The following RTF1 variants were observed in gnomAD, a reference collection of about 807,000 sequenced individuals.
RTF1 encodes the protein RTF1 homolog, Paf1/RNA polymerase II complex component, also known as RNA polymerase-associated protein RTF1 homolog.
A neutral mutation model predicts 95.7 loss-of-function variants in RTF1; 10 were observed. The ratio of observed to expected loss-of-function variants is 0.10; its 90% CI spans 0.06 to 0.18. The LOEUF is 0.18. Ranked by LOEUF, RTF1 falls within the 10% of genes least tolerant of loss-of-function variation. RTF1 has a pLI of 1.00. For synonymous variants in RTF1, 305 were observed against 311.8 expected (o/e 0.98, Z 0.23); for missense variants, 458 against 875.6 (o/e 0.52, Z 6.02).
chr15:41,451,980 T>G (rs2050791300), intron 2 of RTF1, among the ~76,000 whole-genome samples: 1 of 152,062 alleles, frequency 6.6e-6, no homozygotes, highest in African/African-American at 2.4e-5. Flanking sequence ...AGAGGATCAC[T>G]TGAGCCCAGG....
intron 4 of RTF1, among the ~76,000 whole-genome samples, chr15:41,461,497 C>CTT (rs775239363): frequency 7.2e-6 from 1 of 138,278 alleles, no homozygotes; most frequent in Non-Finnish European, 1.6e-5. Context: ...ATTTTTCTTT[C>CTT]TTTTTTTTTT....
At chr15:41,426,546 C>T (rs1420874087) in intron 1 of RTF1, among the ~76,000 whole-genome samples, 1 of 151,818 alleles carries the variant, frequency 6.6e-6, no homozygotes, top group Non-Finnish European at 1.5e-5. Flanking sequence ...ACGTCATGAT[C>T]TGCCCACCTC....
chr15:41,425,943 G>C (rs1162261679), intron 1 of RTF1, among the ~76,000 whole-genome samples: 1 of 152,112 alleles, frequency 6.6e-6, no homozygotes, highest in Non-Finnish European at 1.5e-5. Context: ...GGAGTTCGAA[G>C]TGACTATGAG....
intron 1 of RTF1, among the ~76,000 whole-genome samples, chr15:41,426,208 C>T (rs1212675206): frequency 6.6e-6 from 1 of 152,094 alleles, no homozygotes; most frequent in Non-Finnish European, 1.5e-5. Context: ...TCACTGCAAC[C>T]TCCGCCCTGG....
intron 6 of RTF1, among the ~76,000 whole-genome samples, chr15:41,468,956 T>C (rs1788778376): frequency 6.6e-6 from 1 of 152,116 alleles, no homozygotes; most frequent in Admixed American, 6.6e-5. Context: ...TTTTCCTTCC[T>C]TCCATCCATC....
intron 6 of RTF1, among the ~76,000 whole-genome samples, 169 bp from the exon 7 acceptor site, chr15:41,470,088 T>G (rs1000215301): frequency 3.3e-5 from 5 of 152,200 alleles, no homozygotes; most frequent in African/African-American, 1.2e-4. Context: ...CTGAATAATT[T>G]TAACTCTGTG....
Position 41,417,125 on chromosome 15 carries a change from C to G in RTF1, c.10C>G (p.Arg4Gly), listed in dbSNP as rs1247343094. 1 of 1,243,454 alleles carries G rather than the reference C, an allele frequency of 8.0e-7. No individual in the cohort carries two copies. Among genetic ancestry groups the G allele is most frequent in the Non-Finnish European group, 1.0e-6 (1 of 989,264 alleles). 77.0% of individuals were successfully genotyped at this position (1,243,454 alleles called of 1,614,324 possible). MRG[R>G]LCVGRAAAAA... Reference sequence around the variant, plus strand: ...GCGGAGCGGAGCGCGCATGCGCGGTCGCCTTTGTGTGGGTCGAGCAGCGGC... The same window carrying G: ...GCGGAGCGGAGCGCGCATGCGCGGTGGCCTTTGTGTGGGTCGAGCAGCGGC... Residue 4 changes from arginine to glycine, a missense_variant, in exon 1 of 18, where the codon CGC (arginine) becomes GGC (glycine). Arg to Gly is a moderately radical substitution (Grantham distance 125, BLOSUM62 -2). This residue lies in a region of RTF1 where 81 missense variants were observed against 59.9 expected (regional missense o/e 1.35). Coordinates refer to ENST00000389629, the MANE Select transcript of RTF1 (RefSeq NM_015138.5).
chr15:41,483,452 T>A lies in RTF1; in HGVS notation c.*2765T>A, dbSNP rs944553004. The A allele has an allele frequency of 6.6e-6, 1 of 152,650 alleles. No homozygotes were observed. The highest frequency in any genetic ancestry group is 1.5e-5 in the Non-Finnish European group (1 of 68,046). The allele number at this position is 152,650 out of a possible 1,614,324, so 9.5% of individuals were successfully genotyped here. On this transcript the variant is annotated 3_prime_UTR_variant, in exon 18 of 18. Transcript: ENST00000389629. ...GCTTCTGGCAGGTGTAGGGAAAGTC[T>A]ACTGCCTGCCACTCCCTTCAAAAAG...
At chr15:41,461,920 C>A (rs200462827) in intron 4 of RTF1, among the ~76,000 whole-genome samples, 4 of 134,288 alleles carry the variant, frequency 3.0e-5, no homozygotes, top group Non-Finnish European at 6.5e-5. Flanking sequence ...ATTTTTTTTT[C>A]TTTTTTTTTT....
At chr15:41,430,890 A>G (rs991571034) in intron 1 of RTF1, among the ~76,000 whole-genome samples, 3 of 151,830 alleles carry the variant, frequency 2.0e-5, no homozygotes, top group Admixed American at 1.3e-4. Context: ...TCTCCATACT[A>G]TTGTGGGTTT....
At chr15:41,423,559 G>A (rs1163668997) in intron 1 of RTF1, among the ~76,000 whole-genome samples, 1 of 151,910 alleles carries the variant, frequency 6.6e-6, no homozygotes, top group African/African-American at 2.4e-5. Flanking sequence ...ATTAGAGATG[G>A]GGTTTCTCCA....
intron 2 of RTF1, among the ~76,000 whole-genome samples, chr15:41,450,943 C>A (rs923641864): frequency 4.6e-5 from 7 of 151,912 alleles, no homozygotes; most frequent in Non-Finnish European, 1.0e-4. Context: ...ACAAACGAGA[C>A]CCTGGCTCAA....
intron 1 of RTF1, among the ~76,000 whole-genome samples, chr15:41,433,169 A>G (rs74662340): frequency 0.05 from 7,679 of 152,140 alleles, 235 homozygotes; most frequent in East Asian, 0.16. Context: ...AATCACTTGA[A>G]CCAGGGAGGC....
chr15:41,475,942 A>G (rs988787798), intron 11 of RTF1, 123 bp downstream of exon 11: 2 of 602,424 alleles, frequency 3.3e-6, no homozygotes, highest in Non-Finnish European at 2.9e-6. Flanking sequence ...AGGGAATACT[A>G]ATATTACTAC....
intron 2 of RTF1, among the ~76,000 whole-genome samples, chr15:41,450,088 C>T (rs1408522756): frequency 3.3e-5 from 5 of 151,988 alleles, no homozygotes; most frequent in African/African-American, 1.2e-4. Context: ...CTCAGCTGCT[C>T]AGGAGGCTGA....
At chr15:41,457,095 T>C (rs576119745) in intron 3 of RTF1, among the ~76,000 whole-genome samples, 40 of 150,234 alleles carry the variant, frequency 2.7e-4, no homozygotes, top group African/African-American at 9.0e-4. Context: ...ATAATAATAA[T>C]AATAAATAAG....
In RTF1 at chr15:41,475,728, T is replaced by C; in HGVS notation, c.1391T>C (p.Met464Thr). 1 of 1,610,004 alleles carries C rather than the reference T, an allele frequency of 6.2e-7. No individual in the cohort carries two copies. Among genetic ancestry groups the C allele is most frequent in the Non-Finnish European group, 8.5e-7 (1 of 1,176,672 alleles). ...KWKEAMFSAG[M>T]QLPTLDEINK... is the part of the protein sequence containing the mutation. ...TTGATCCAGATGTTCTCTGCTGGCA[T>C]GCAGTTGCCCACTCTAGATGAAATC... Residue 464 changes from methionine (M) to threonine (T), a missense_variant, in exon 11 of 18, where the codon ATG becomes ACG. This residue lies in a region of RTF1 where 150 missense variants were observed against 275.7 expected (regional missense o/e 0.54). Transcript: ENST00000389629.
At chr15:41,461,093 A>G (rs1234192377) in intron 4 of RTF1, among the ~76,000 whole-genome samples, 21 of 146,380 alleles carry the variant, frequency 1.4e-4, no homozygotes, top group African/African-American at 5.4e-4. Flanking sequence ...CCCAGGCTGG[A>G]GTGCAATGGC....
chr15:41,471,070 T>TG, intron 7 of RTF1, 102 bp from the exon 8 acceptor site: 1 of 1,099,040 alleles, frequency 9.1e-7, no homozygotes, highest in East Asian at 2.4e-5. Context: ...CCTAGGCCAG[T>TG]CACATGTACT....
Sources: allele counts gnomAD v4.1 joint callset (sites outside exome capture counted in the v4.1 genomes callset), GRCh38; gene constraint gnomAD v4.1.1; regional missense constraint gnomAD v4.1.1; transcripts MANE v1.5; gene names NCBI Gene and HGNC (gene_info 2026-07-23, HGNC 2026-07-21).